Variants in SERPINI1 observed in about 807,000 individuals in gnomAD.
SERPINI1 encodes neuroserpin.
In SERPINI1, 19 loss-of-function variants were observed where a neutral mutation model predicts 41.1. The ratio of observed to expected loss-of-function variants is 0.46; its 90% CI spans 0.32 to 0.68. The LOEUF is 0.68. Among genes scored for constraint, SERPINI1 ranks in the 30% least tolerant of loss-of-function variants. The probability of loss-of-function intolerance (pLI) is 0.03; values close to 1 mark genes in which losing one functional copy is unlikely to be tolerated. For missense variants in SERPINI1, 460 were observed against 479.2 expected (o/e 0.96, Z 0.37); for synonymous variants, 138 against 156.6 (o/e 0.88, Z 0.89).
intron 1 of SERPINI1, among the ~76,000 whole-genome samples, chr3:167,751,060 G>A (rs987836705): frequency 6.6e-6 from 1 of 151,984 alleles, no homozygotes; most frequent in Non-Finnish European, 1.5e-5. Flanking sequence ...AAAATCCACG[G>A]CAAGCTTACT....
chr3:167,792,492 C>A, intron 3 of SERPINI1, 98 bp from the exon 4 acceptor site: 1 of 959,484 alleles, frequency 1.0e-6, no homozygotes, highest in Non-Finnish European at 1.6e-6. Context: ...TACAGTTTCT[C>A]TGGACCACTC....
At chr3:167,745,593 A>G (rs1330382522) in intron 1 of SERPINI1, among the ~76,000 whole-genome samples, 1 of 152,046 alleles carries the variant, frequency 6.6e-6, no homozygotes, top group Non-Finnish European at 1.5e-5. Flanking sequence ...AAAAATAAAA[A>G]GCTCCCATAC....
intron 1 of SERPINI1, among the ~76,000 whole-genome samples, chr3:167,758,628 A>G (rs112678112): frequency 2.0e-5 from 3 of 152,172 alleles, no homozygotes; most frequent in East Asian, 3.9e-4. Flanking sequence ...ACCACATGAC[A>G]CTTTTTCACA....
intron 1 of SERPINI1, among the ~76,000 whole-genome samples, chr3:167,774,946 A>T (rs1380359691): frequency 6.6e-6 from 1 of 152,052 alleles, no homozygotes; most frequent in Middle Eastern, 3.2e-3. Flanking sequence ...AAAAGCAAAA[A>T]AGGACAAAAA....
chr3:167,772,118 C>T lies in SERPINI1; in HGVS notation c.-18-16993C>T, dbSNP rs138940398. ...AATCTACAAATGGGGTTGCTTCCAT[C>T]TACCTATAGGCTTGTTATGAGCATT... On this transcript the variant is annotated intron_variant, in intron 1 of 8. Transcript: ENST00000446050. 1.1e-3 allele frequency among the ~76,000 whole-genome samples: 168 copies of T among 152,306 alleles called. 2 individuals carry two copies. The highest frequency in any genetic ancestry group is 3.9e-3 in the African/African-American group (162 of 41,562).
intron 8 of SERPINI1, 138 bp downstream of exon 8, chr3:167,824,700 A>G: frequency 1.6e-6 from 1 of 611,380 alleles, no homozygotes; most frequent in Non-Finnish European, 2.9e-6. Flanking sequence ...CCAGAGATTG[A>G]CCAACTGAAT....
intron 5 of SERPINI1, among the ~76,000 whole-genome samples, chr3:167,795,346 G>C (rs1272982270): frequency 6.6e-6 from 1 of 152,140 alleles, no homozygotes; most frequent in Non-Finnish European, 1.5e-5. Context: ...GTGGCTAAAA[G>C]AATAAGATGC....
intron 1 of SERPINI1, among the ~76,000 whole-genome samples, chr3:167,784,524 G>C (rs1727241016): frequency 1.3e-5 from 2 of 152,160 alleles, no homozygotes; most frequent in Non-Finnish European, 2.9e-5. Flanking sequence ...AAAGGAAAGA[G>C]GTTTAATTGA....
chr3:167,747,919 GTT>G (rs1290447463), intron 1 of SERPINI1, among the ~76,000 whole-genome samples: 1 of 151,268 alleles, frequency 6.6e-6, no homozygotes, highest in Non-Finnish European at 1.5e-5. Flanking sequence ...CTTTGTTAAA[GTT>G]TTTTTGTGTT....
intron 1 of SERPINI1, among the ~76,000 whole-genome samples, chr3:167,738,866 G>A (rs768424812): frequency 6.6e-6 from 1 of 150,766 alleles, no homozygotes. Flanking sequence ...AATATTCATG[G>A]ATTATTAACC....
At chr3:167,777,696 A>C (rs1409410229) in intron 1 of SERPINI1, among the ~76,000 whole-genome samples, 6 of 152,224 alleles carry the variant, frequency 3.9e-5, no homozygotes, top group Admixed American at 3.3e-4. Context: ...ATAAGAAAGT[A>C]CTTTAGAAAT....
At chr3:167,772,823 ACTCTCTCTCTCTCT>A (rs1172788769) in intron 1 of SERPINI1, among the ~76,000 whole-genome samples, 46 of 23,648 alleles carry the variant, frequency 1.9e-3, no homozygotes, top group African/African-American at 4.5e-3. Flanking sequence ...GTATCTTGAG[ACTCTCTCTCTCTCT>A]CTCTCTCTCT....
At chr3:167,774,990 A>G (rs145145446) in intron 1 of SERPINI1, among the ~76,000 whole-genome samples, 79 of 152,230 alleles carry the variant, frequency 5.2e-4, no homozygotes, top group African/African-American at 1.9e-3. Context: ...ACCATTTAAT[A>G]TGGGTGGCTT....
intron 1 of SERPINI1, among the ~76,000 whole-genome samples, chr3:167,744,691 CATATATAAAT>C (rs1379393759): frequency 1.6e-5 from 2 of 124,026 alleles, no homozygotes; most frequent in South Asian, 2.3e-4. Context: ...TATATATAAA[CATATATAAAT>C]ATATATAAAA....
chr3:167,793,458 C>T lies in SERPINI1; in HGVS notation c.676+674C>T, dbSNP rs540023669. Among the ~76,000 whole-genome samples, 32 of 151,700 alleles carry T rather than the reference C, an allele frequency of 2.1e-4. No homozygotes were observed. In the East Asian group the frequency reaches 5.8e-3, roughly 27 times the overall value. On this transcript the variant is annotated intron_variant, in intron 4 of 8. Coordinates refer to ENST00000446050, the MANE Select transcript of SERPINI1 (RefSeq NM_001122752.2). Reference sequence around the variant, plus strand: ...TATTCTATTAAAAGCACAGTACAGGCCAGCTGCTGTGGCTCATGCCTGTAA... The same window carrying T: ...TATTCTATTAAAAGCACAGTACAGGTCAGCTGCTGTGGCTCATGCCTGTAA...
intron 1 of SERPINI1, among the ~76,000 whole-genome samples, chr3:167,757,803 C>T (rs902865804): frequency 1.3e-5 from 2 of 152,202 alleles, no homozygotes; most frequent in African/African-American, 4.8e-5. Flanking sequence ...CCTGTAATCC[C>T]AGCTACTCGG....
intron 1 of SERPINI1, among the ~76,000 whole-genome samples, chr3:167,787,610 CAGCAGTGCACTCCATCTCCCATT>C (rs1262027538): frequency 6.6e-6 from 1 of 152,194 alleles, no homozygotes; most frequent in Non-Finnish European, 1.5e-5. Context: ...GCCTGCCCCG[CAGCAGTGCACTCCATCTCCCATT>C]AGCTGTCATC....
intron 1 of SERPINI1, among the ~76,000 whole-genome samples, chr3:167,783,084 C>T (rs1727192572): frequency 6.6e-6 from 1 of 152,146 alleles, no homozygotes; most frequent in African/African-American, 2.4e-5. Flanking sequence ...AGTATCAAGA[C>T]AATTGATCTG....
At chr3:167,773,121 A>G (rs1485935869) in intron 1 of SERPINI1, among the ~76,000 whole-genome samples, 1 of 151,684 alleles carries the variant, frequency 6.6e-6, no homozygotes, top group Admixed American at 6.6e-5. Context: ...TATTCTGAGA[A>G]CTTTCAGTGG....
Sources: allele counts gnomAD v4.1 joint callset (sites outside exome capture counted in the v4.1 genomes callset), GRCh38; gene constraint gnomAD v4.1.1; transcripts MANE v1.5; gene names NCBI Gene and HGNC (gene_info 2026-07-23, HGNC 2026-07-21).